The following KIT variants were observed in gnomAD, a reference collection of about 807,000 sequenced individuals.
The protein encoded by KIT is mast/stem cell growth factor receptor Kit.
In KIT, 16 loss-of-function variants were observed where a neutral mutation model predicts 105.7. The observed-to-expected ratio is 0.15, with a 90% CI of 0.10 to 0.23. The LOEUF (loss-of-function observed/expected upper bound fraction) is 0.23, where lower values mean the gene tolerates loss of function less well. KIT is among the 10% of genes least tolerant of loss of function. The pLI is 1.00. For missense variants in KIT, 858 were observed against 1,213.8 expected (o/e 0.71, Z 4.36); for synonymous variants, 438 against 441.1 (o/e 0.99, Z 0.09).
intron 20 of KIT, 133 bp from the exon 21 acceptor site, chr4:54,738,296 C>A: frequency 8.8e-7 from 1 of 1,133,544 alleles, no homozygotes; most frequent in Non-Finnish European, 1.3e-6. Context: ...GTTTTGGCCA[C>A]AAAGTTCTTG....
At position 54,699,656 on chromosome 4, in the gene KIT, G is replaced by A. The variant is rs1720323968; in HGVS notation, c.646G>A (p.Val216Met). Residue 216 changes from valine to methionine, a missense_variant, in exon 4 of 21, where the codon GTG becomes ATG. Val to Met is a conservative substitution (Grantham distance 21). Coordinates refer to ENST00000288135, the MANE Select transcript of KIT (RefSeq NM_000222.3). ...PAFKAVPVVS[V>M]SKASYLLREG... ...CTTCAAAGCTGTGCCTGTTGTGTCT[G>A]TGTCCAAAGCAAGCTATCTTCTTAG... 6.2e-7 allele frequency: 1 copy of A among 1,613,902 alleles called. No individual in the cohort carries two copies. Among genetic ancestry groups the A allele is most frequent in the African/African-American group, 1.3e-5 (1 of 74,918 alleles).
intron 7 of KIT, among the ~76,000 whole-genome samples, chr4:54,720,389 G>T (rs1721791616): frequency 6.6e-6 from 1 of 152,182 alleles, no homozygotes; most frequent in African/African-American, 2.4e-5. Context: ...AGGCCAGCCA[G>T]ACCACACCGT....
chr4:54,686,772 T>C (rs965425205), intron 1 of KIT, among the ~76,000 whole-genome samples: 2 of 152,220 alleles, frequency 1.3e-5, no homozygotes, highest in African/African-American at 4.8e-5. Context: ...CTGTAACTCC[T>C]GGACTCAAGT....
chr4:54,723,946 C>T (rs1265822032), intron 8 of KIT, among the ~76,000 whole-genome samples: 1 of 152,042 alleles, frequency 6.6e-6, no homozygotes, highest in African/African-American at 2.4e-5. Context: ...ATTTATCATG[C>T]AATTTCTAGC....
chr4:54,711,649 CGGTGGCTCACGCCTGTA>C (rs1721166951), intron 7 of KIT, among the ~76,000 whole-genome samples: 1 of 151,894 alleles, frequency 6.6e-6, no homozygotes, highest in Non-Finnish European at 1.5e-5. Context: ...AGGCTGGACG[CGGTGGCTCACGCCTGTA>C]ATCCCAGCAC....
intron 1 of KIT, among the ~76,000 whole-genome samples, chr4:54,660,705 C>T (rs942071925): frequency 2.6e-5 from 4 of 152,100 alleles, no homozygotes; most frequent in African/African-American, 9.7e-5. Flanking sequence ...TTACCCCTAA[C>T]ATTTTACAGC....
chr4:54,718,910 A>G (rs1432912306), intron 7 of KIT, among the ~76,000 whole-genome samples: 2 of 152,166 alleles, frequency 1.3e-5, no homozygotes, highest in African/African-American at 4.8e-5. Flanking sequence ...TTTTATAAGT[A>G]AGGTTATTTT....
chr4:54,660,307 G>A (rs1431618927), intron 1 of KIT, among the ~76,000 whole-genome samples: 3 of 152,018 alleles, frequency 2.0e-5, no homozygotes, highest in Admixed American at 2.0e-4. Context: ...AAGTATTACA[G>A]CTCCTGTGCC....
At chr4:54,703,938 G>A in intron 5 of KIT, 46 bp downstream of exon 5, 1 of 1,421,762 alleles carries the variant, frequency 7.0e-7, no homozygotes, top group Non-Finnish European at 1.0e-6. Context: ...AGTAGTGAAA[G>A]AAGAAATTAT....
intron 1 of KIT, among the ~76,000 whole-genome samples, chr4:54,689,765 C>T (rs1577944552): frequency 6.6e-6 from 1 of 152,284 alleles, no homozygotes; most frequent in East Asian, 1.9e-4. Context: ...TTCTGTGTGG[C>T]ACCAAGTATC....
At chr4:54,695,929 C>A in intron 2 of KIT, 148 bp downstream of exon 2, 1 of 885,446 alleles carries the variant, frequency 1.1e-6, no homozygotes, top group Non-Finnish European at 1.8e-6. Flanking sequence ...TCACTGTTCT[C>A]TCCCATCTTT....
intron 7 of KIT, among the ~76,000 whole-genome samples, chr4:54,710,138 C>G (rs987486198): frequency 6.6e-6 from 1 of 152,218 alleles, no homozygotes; most frequent in African/African-American, 2.4e-5. Flanking sequence ...CTACCGACCC[C>G]ACTCCTGCAG....
chr4:54,706,049 A>G (rs746682103), intron 5 of KIT, among the ~76,000 whole-genome samples: 19 of 152,274 alleles, frequency 1.2e-4, no homozygotes, highest in Non-Finnish European at 2.1e-4. Context: ...ATATTATTAT[A>G]TCACCTTTTC....
chr4:54,737,710 CA>C (rs1451869132), intron 20 of KIT, among the ~76,000 whole-genome samples: 3 of 152,184 alleles, frequency 2.0e-5, no homozygotes, highest in African/African-American at 4.8e-5. Flanking sequence ...GCCTTCTGAT[CA>C]AACAAGCATA....
At position 54,698,295 on chromosome 4, in the gene KIT, C is replaced by A. The variant is rs189660852; in HGVS notation, c.349C>A (p.Leu117Ile). Reference protein sequence around the residue: ...IYVFVRDPAKLFLVDRSLYGK... With the variant: ...IYVFVRDPAKIFLVDRSLYGK... ...ATATGCTTCTATAGATCCTGCCAAG[C>A]TTTTCCTTGTTGACCGCTCCTTGTA... Residue 117 changes from leucine (L) to isoleucine (I), a missense_variant, in exon 3 of 21, where the codon CTT becomes ATT. This residue lies in a region of KIT where 401 missense variants were observed against 601.0 expected (regional missense o/e 0.67). Transcript: ENST00000288135. 7.4e-5 allele frequency: 119 copies of A among 1,613,844 alleles called. No individual in the cohort carries two copies. The highest frequency in any genetic ancestry group is 9.2e-5 in the Non-Finnish European group (109 of 1,179,868).
intron 1 of KIT, among the ~76,000 whole-genome samples, chr4:54,675,739 C>T (rs1012054013): frequency 3.3e-5 from 5 of 152,156 alleles, no homozygotes; most frequent in Admixed American, 6.5e-5. Context: ...AGAACACAGA[C>T]TGTCCAGGGA....
intron 7 of KIT, among the ~76,000 whole-genome samples, chr4:54,715,534 G>A (rs1454807445): frequency 6.6e-6 from 1 of 152,056 alleles, no homozygotes; most frequent in Non-Finnish European, 1.5e-5. Context: ...CATGGCAAGA[G>A]AGGAGGAAAG....
intron 16 of KIT, 66 bp from the exon 17 acceptor site, chr4:54,733,004 T>A (rs2109800425): frequency 7.1e-7 from 1 of 1,398,982 alleles, no homozygotes; most frequent in Non-Finnish European, 1.0e-6. Context: ...TATTAAAAAG[T>A]TAGTTTTCAC....
chr4:54,698,645 T>G (rs1419227156), intron 3 of KIT, 80 bp downstream of exon 3: 13 of 1,476,724 alleles, frequency 8.8e-6, no homozygotes, highest in Non-Finnish European at 1.2e-5. Flanking sequence ...TTGATCCACC[T>G]TAGTGTAGTC....
Sources: allele counts gnomAD v4.1 joint callset (sites outside exome capture counted in the v4.1 genomes callset), GRCh38; gene constraint gnomAD v4.1.1; regional missense constraint gnomAD v4.1.1; transcripts MANE v1.5; gene names NCBI Gene and HGNC (gene_info 2026-07-23, HGNC 2026-07-21).